Variants in FBXW10 observed in about 807,000 individuals in gnomAD.
FBXW10 encodes F-box/WD repeat-containing protein 10.
Under a neutral mutation model 113.1 loss-of-function variants are expected in FBXW10, and 68 were observed. That is an observed-to-expected ratio of 0.60 (90% CI 0.49 to 0.74). The LOEUF (loss-of-function observed/expected upper bound fraction) is 0.74. Ranked by LOEUF, FBXW10 falls within the 30% of genes least tolerant of loss-of-function variation. The pLI, the probability that FBXW10 is intolerant of heterozygous loss-of-function variation, is 0.00. For synonymous variants in FBXW10, 289 were observed against 481.6 expected, an observed-to-expected ratio of 0.60 and a Z score of 5.24; for missense variants, 753 against 1,284.5, an observed-to-expected ratio of 0.59 and a Z score of 6.32.
At chr17:18,774,896 A>T (rs912265422) in intron 12 of FBXW10, among the ~76,000 whole-genome samples, 1 of 152,228 alleles carries the variant, frequency 6.6e-6, no homozygotes, top group Non-Finnish European at 1.5e-5. Flanking sequence ...AAGAGATGAT[A>T]AATGTTTAAG....
Position 18,778,570 on chromosome 17 carries a change from T to G in FBXW10, c.2431T>G (p.Ser811Ala). 1.9e-6 allele frequency: 3 copies of G among 1,614,010 alleles called. No homozygotes were observed. Among genetic ancestry groups the G allele is most frequent in the Non-Finnish European group, 2.5e-6 (3 of 1,179,872 alleles). The change falls in exon 14 of 14, where the codon TCA becomes GCA. Residue 811 changes from serine to alanine, a missense_variant. Ser to Ala is a moderately conservative substitution (Grantham distance 99, BLOSUM62 1). Coordinates refer to ENST00000395665, the MANE Select transcript of FBXW10 (RefSeq NM_001267585.2). ...GAAAAAGTCTTGGAAAATCCCTATG[T>G]CACCTGACCAATTCCTCCTGACTGT... ...PKKKSWKIPM[S>A]PDQFLLTVSA...
At chr17:18,758,050 T>C (rs867895215) in intron 6 of FBXW10, among the ~76,000 whole-genome samples, 2 of 152,196 alleles carry the variant, frequency 1.3e-5, no homozygotes, top group Non-Finnish European at 2.9e-5. Flanking sequence ...TTAGCATACA[T>C]TTACAGAATT....
At chr17:18,770,874 T>C (rs1210571516) in intron 11 of FBXW10, among the ~76,000 whole-genome samples, 15 of 152,140 alleles carry the variant, frequency 9.9e-5, no homozygotes, top group Non-Finnish European at 1.5e-5. Flanking sequence ...ACTGACTGCA[T>C]TGTATACAGT....
intron 4 of FBXW10, 141 bp downstream of exon 4, chr17:18,750,278 C>CT (rs1275290029): frequency 1.5e-5 from 15 of 1,033,058 alleles, no homozygotes; most frequent in Middle Eastern, 6.5e-4. Flanking sequence ...TCCTGGGTCC[C>CT]TTCTTTTTGG....
chr17:18,774,008 A>G (rs1467256554), intron 12 of FBXW10, among the ~76,000 whole-genome samples: 1 of 152,228 alleles, frequency 6.6e-6, no homozygotes, highest in African/African-American at 2.4e-5. Context: ...CAGATGTAAG[A>G]CTAGATCGGC....
In FBXW10 at chr17:18,744,174, G is replaced by A; in HGVS notation, c.-71G>A. ...ACTGGGGTATTTATTCATTCCCCCCGTTCCTCTAGTGTTTGGTGGCGTTGC... is the reference window on the plus strand; with the variant it reads ...ACTGGGGTATTTATTCATTCCCCCCATTCCTCTAGTGTTTGGTGGCGTTGC... On this transcript the variant is annotated 5_prime_UTR_variant, in exon 1 of 14. Transcript: ENST00000395665. 3.9e-6 allele frequency: 6 copies of A among 1,535,194 alleles called. No individual in the cohort carries two copies. The highest frequency in any genetic ancestry group is 1.3e-5 in the South Asian group (1 of 78,018).
chr17:18,753,641 G>A, intron 5 of FBXW10, among the ~76,000 whole-genome samples: 1 of 152,194 alleles, frequency 6.6e-6, no homozygotes, highest in East Asian at 1.9e-4. Context: ...GGGAGGCTGA[G>A]GCAGGTGGAT....
rs9897266 is a variant in FBXW10 at position 18,778,050 on chromosome 17, G to A, written c.2336-425G>A. 6.0e-4 allele frequency among the ~76,000 whole-genome samples: 91 copies of A among 151,370 alleles called. 1 individual carries two copies. The highest frequency in any genetic ancestry group is 1.8e-3 in the African/African-American group (76 of 41,350). On this transcript the variant is annotated intron_variant, in intron 13 of 13. Transcript: ENST00000395665. ...TGGATCACGAGGTCAGGAGATCGAG[G>A]CCATCCTGGCTAACACGGTGAAACC...
At position 18,758,354 on chromosome 17, in the gene FBXW10, G is replaced by C; in HGVS notation, c.1282G>C (p.Val428Leu). 2 of 1,605,952 alleles carry C rather than the reference G, an allele frequency of 1.2e-6. No individual in the cohort carries two copies. The change falls in exon 7 of 14, where the codon GTG becomes CTG. Residue 428 changes from valine (V) to leucine (L), a missense_variant. Coordinates refer to ENST00000395665, the MANE Select transcript of FBXW10 (RefSeq NM_001267585.2). ...CTATTCCGGGGGAGATCTGATAGCT[G>C]TGTCATCTAATCGAAAGATCCATCT... ...IHYSGGDLIA[V>L]SSNRKIHLLD...
In FBXW10 at chr17:18,748,014, A is replaced by G. The variant is rs527290895; in HGVS notation, c.579A>G (p.Gln193=). ...KDHSSKSATS[Q]VYWTAKTQHT... ...ACAGCTCCAAGTCTGCGACCTCACA[A>G]GTCTATTGGACAGCCAAAACTCAGC... is the stretch of plus-strand genomic sequence containing the variant. Residue 193 remains glutamine (Q), a synonymous_variant, in exon 2 of 14, where the codon CAA becomes CAG. Transcript: ENST00000395665. 1.2e-6 allele frequency: 2 copies of G among 1,613,872 alleles called. No homozygotes were observed. Among genetic ancestry groups the G allele is most frequent in the East Asian group, 2.2e-5 (1 of 44,856 alleles).
intron 7 of FBXW10, among the ~76,000 whole-genome samples, chr17:18,761,591 A>G (rs2035387340): frequency 1.3e-5 from 2 of 152,134 alleles, no homozygotes; most frequent in African/African-American, 4.8e-5. Context: ...TGTAACAGCT[A>G]TAGTATATAA....
intron 6 of FBXW10, among the ~76,000 whole-genome samples, chr17:18,757,123 A>C (rs1056243278): frequency 3.9e-5 from 6 of 152,186 alleles, no homozygotes; most frequent in African/African-American, 9.7e-5. Context: ...TATATACATA[A>C]AAATATATGT....
chr17:18,763,156 C>A, intron 7 of FBXW10, among the ~76,000 whole-genome samples: 1 of 150,942 alleles, frequency 6.6e-6, no homozygotes, highest in African/African-American at 2.4e-5. Flanking sequence ...GAAGTAAGTA[C>A]AATTTTTTTT....
rs1486473238 is a variant in FBXW10 at position 18,778,538 on chromosome 17, A to G, written c.2399A>G (p.His800Arg). 6.2e-7 allele frequency: 1 copy of G among 1,613,462 alleles called. No individual in the cohort carries two copies. The highest frequency in any genetic ancestry group is 2.2e-5 in the East Asian group (1 of 44,884). Residue 800 changes from histidine (H) to arginine (R), a missense_variant, in exon 14 of 14, where the codon CAC (histidine) becomes CGC (arginine). Transcript: ENST00000395665. ...QLETPGKLPSHPKKKSWKIPM... is the reference protein window; with the variant it reads ...QLETPGKLPSRPKKKSWKIPM... ...GAAACTCCTGGAAAACTGCCCAGTC[A>G]CCCAAAGAAAAAGTCTTGGAAAATC...
chr17:18,757,508 G>A (rs2035289341), intron 6 of FBXW10, among the ~76,000 whole-genome samples: 1 of 152,326 alleles, frequency 6.6e-6, no homozygotes, highest in Middle Eastern at 3.4e-3. Context: ...CAGGTTGGGC[G>A]TGGTGGCTCA....
intron 5 of FBXW10, 107 bp from the exon 6 acceptor site, chr17:18,755,938 G>C: frequency 9.3e-7 from 1 of 1,076,708 alleles, no homozygotes; most frequent in Non-Finnish European, 1.4e-6. Flanking sequence ...GCCTTCAGAG[G>C]AAGAATCCGT....
intron 1 of FBXW10, chr17:18,745,154 A>T (rs2035015833): frequency 9.6e-7 from 1 of 1,039,080 alleles, no homozygotes; most frequent in African/African-American, 1.7e-5. Flanking sequence ...GCTGCCCTGC[A>T]CAGAAACCAG....
intron 8 of FBXW10, among the ~76,000 whole-genome samples, 159 bp from the exon 9 acceptor site, chr17:18,766,555 T>C (rs1185352629): frequency 1.3e-5 from 2 of 152,216 alleles, no homozygotes; most frequent in Non-Finnish European, 2.9e-5. Flanking sequence ...GTGAGCCTGC[T>C]CTGCGGAGGT....
chr17:18,747,578 CAAA>C (rs1160744663), intron 1 of FBXW10, among the ~76,000 whole-genome samples: 1 of 151,384 alleles, frequency 6.6e-6, no homozygotes, highest in Non-Finnish European at 1.5e-5. Context: ...ACAAACAAAC[CAAA>C]AAAAAGTTAA....
Sources: allele counts gnomAD v4.1 joint callset (sites outside exome capture counted in the v4.1 genomes callset), GRCh38; gene constraint gnomAD v4.1.1; transcripts MANE v1.5; gene names NCBI Gene and HGNC (gene_info 2026-07-23, HGNC 2026-07-21).